UNC13C: variants seen among roughly 807,000 people sequenced by gnomAD.
The protein encoded by UNC13C is protein unc-13 homolog C.
In UNC13C, 174 loss-of-function variants were observed where a neutral mutation model predicts 245.4. That is an observed-to-expected ratio of 0.71 (90% CI 0.63 to 0.80). UNC13C has a LOEUF of 0.80. Among genes scored for constraint, UNC13C ranks in the 30% least tolerant of loss-of-function variants. The probability of loss-of-function intolerance (pLI) is 0.00; values close to 1 mark genes in which losing one functional copy is unlikely to be tolerated. For missense variants in UNC13C, 2,829 were observed against 2,602.9 expected, an observed-to-expected ratio of 1.09 and a Z score of -1.89; for synonymous variants, 992 against 895.1, an observed-to-expected ratio of 1.11 and a Z score of -1.93.
At chr15:54,494,557 G>A in intron 19 of UNC13C, 51 bp from the exon 20 acceptor site, 2 of 1,470,670 alleles carry the variant, frequency 1.4e-6, no homozygotes, top group African/African-American at 1.4e-5. Context: ...GAACATAGCA[G>A]CATTGTTGGC....
At chr15:54,271,271 A>G (rs886262834) in intron 10 of UNC13C, among the ~76,000 whole-genome samples, 2 of 152,208 alleles carry the variant, frequency 1.3e-5, no homozygotes, top group Non-Finnish European at 2.9e-5. Context: ...ATTAATTAAG[A>G]TAACACATAT....
At chr15:54,561,316 A>G (rs1335018296) in intron 29 of UNC13C, among the ~76,000 whole-genome samples, 3 of 152,070 alleles carry the variant, frequency 2.0e-5, no homozygotes, top group African/African-American at 7.2e-5. Context: ...TAACAGTGTA[A>G]GAGATGGAAC....
At chr15:54,265,114 A>G (rs761496459) in intron 9 of UNC13C, among the ~76,000 whole-genome samples, 37 of 152,122 alleles carry the variant, frequency 2.4e-4, no homozygotes, top group Non-Finnish European at 4.6e-4. Context: ...GCTAATATGT[A>G]TATGCATGTG....
intron 26 of UNC13C, among the ~76,000 whole-genome samples, chr15:54,536,139 C>A (rs983640233): frequency 6.6e-6 from 1 of 151,788 alleles, no homozygotes; most frequent in African/African-American, 2.4e-5. Context: ...TCAGAAATGA[C>A]AAAGTGAGCA....
chr15:54,607,026 G>T (rs575188274), intron 30 of UNC13C, among the ~76,000 whole-genome samples: 5 of 152,182 alleles, frequency 3.3e-5, no homozygotes, highest in African/African-American at 9.6e-5. Flanking sequence ...ATCAGGGAAG[G>T]TTTTGTGGGA....
chr15:54,097,762 G>T (rs959942245), intron 2 of UNC13C, among the ~76,000 whole-genome samples: 1 of 152,124 alleles, frequency 6.6e-6, no homozygotes, highest in African/African-American at 2.4e-5. Flanking sequence ...ACTGTGTGTA[G>T]TTATGTGACT....
the UNC13C span, among the ~76,000 whole-genome samples, chr15:53,926,122 T>C: frequency 6.6e-6 from 1 of 151,606 alleles, no homozygotes. Context: ...TAGTTTTTGT[T>C]TTTTTTTTCA....
At chr15:54,430,855 C>G (rs1392490473) in intron 19 of UNC13C, among the ~76,000 whole-genome samples, 1 of 151,670 alleles carries the variant, frequency 6.6e-6, no homozygotes, top group Non-Finnish European at 1.5e-5. Context: ...ATTTAAATAG[C>G]TAATGTAACT....
intron 8 of UNC13C, among the ~76,000 whole-genome samples, chr15:54,261,679 G>T (rs1016559770): frequency 1.1e-4 from 17 of 152,050 alleles, no homozygotes; most frequent in Non-Finnish European, 2.5e-4. Context: ...AGGTAGCTGG[G>T]ACTACAGGCG....
chr15:53,949,946 T>C, the UNC13C span, among the ~76,000 whole-genome samples: 2 of 152,228 alleles, frequency 1.3e-5, no homozygotes, highest in Non-Finnish European at 2.9e-5. Flanking sequence ...TAAGCTCTGC[T>C]ATTTGTTTTT....
chr15:53,843,659 A>G, the UNC13C span, among the ~76,000 whole-genome samples: 2 of 152,170 alleles, frequency 1.3e-5, no homozygotes. Flanking sequence ...GAGCCCATGA[A>G]GAAGACTGAA....
chr15:54,228,929 A>G (rs2140808750), intron 4 of UNC13C, among the ~76,000 whole-genome samples: 1 of 152,294 alleles, frequency 6.6e-6, no homozygotes, highest in East Asian at 1.9e-4. Context: ...GAGGATTTTC[A>G]GTCCTTGTAC....
intron 13 of UNC13C, among the ~76,000 whole-genome samples, chr15:54,307,819 TATG>T (rs2037766798): frequency 6.6e-6 from 1 of 151,922 alleles, no homozygotes; most frequent in Admixed American, 6.6e-5. Context: ...TTTGAGAAGC[TATG>T]ATGTTTTTGG....
intron 29 of UNC13C, among the ~76,000 whole-genome samples, chr15:54,558,394 G>T (rs1897172289): frequency 6.6e-6 from 1 of 151,984 alleles, no homozygotes; most frequent in Admixed American, 6.6e-5. Flanking sequence ...CAGTGTCCTT[G>T]CTTCTATGTC....
chr15:54,143,162 C>G, intron 3 of UNC13C, 122 bp downstream of exon 3: 1 of 953,020 alleles, frequency 1.0e-6, no homozygotes. Context: ...GTTATCCCAG[C>G]TTTCCATTAT....
At chr15:54,251,513 C>A (rs1330821258) in intron 8 of UNC13C, among the ~76,000 whole-genome samples, 3 of 152,154 alleles carry the variant, frequency 2.0e-5, no homozygotes, top group Non-Finnish European at 2.9e-5. Context: ...GTTTTTATGA[C>A]AAGTTACCTT....
At chr15:54,149,110 GCT>G (rs2141247418) in intron 4 of UNC13C, among the ~76,000 whole-genome samples, 1 of 152,122 alleles carries the variant, frequency 6.6e-6, no homozygotes, top group South Asian at 2.1e-4. Context: ...CCTGTCCCTG[GCT>G]CTCTGTCTCC....
chr15:54,501,751 C>G (rs1894226464), intron 22 of UNC13C, among the ~76,000 whole-genome samples: 1 of 152,030 alleles, frequency 6.6e-6, no homozygotes, highest in Non-Finnish European at 1.5e-5. Context: ...TAGACAGAGG[C>G]TTCATGACAA....
chr15:54,588,635 C>A (rs1391058113), intron 30 of UNC13C, among the ~76,000 whole-genome samples: 1 of 151,910 alleles, frequency 6.6e-6, no homozygotes, highest in East Asian at 2.0e-4. Context: ...TTATCCCTAC[C>A]CCCTTCCCCT....
Sources: allele counts gnomAD v4.1 joint callset (sites outside exome capture counted in the v4.1 genomes callset), GRCh38; gene constraint gnomAD v4.1.1; transcripts MANE v1.5; gene names NCBI Gene and HGNC (gene_info 2026-07-23, HGNC 2026-07-21).